TOP1MT: variants seen among roughly 807,000 people sequenced by gnomAD.
TOP1MT encodes DNA topoisomerase I, mitochondrial.
A neutral mutation model predicts 73.9 loss-of-function variants in TOP1MT; 80 were observed. That is an observed-to-expected ratio of 1.08 (90% CI 0.90 to 1.30). The LOEUF is 1.30. TOP1MT is among the 50% of genes most tolerant of loss of function. The pLI is 0.00. For synonymous variants in TOP1MT, 338 were observed against 326.4 expected, an observed-to-expected ratio of 1.04 and a Z score of -0.38; for missense variants, 815 against 808.0, an observed-to-expected ratio of 1.01 and a Z score of -0.10.
At chr8:143,321,907 CACAG>C (rs1324769268) in intron 7 of TOP1MT, among the ~76,000 whole-genome samples, 2 of 104,486 alleles carry the variant, frequency 1.9e-5, no homozygotes, top group African/African-American at 3.4e-5. Context: ...ACGCCACACA[CACAG>C]GCACGCCACA....
At chr8:143,321,028 G>C (rs1356884959) in intron 8 of TOP1MT, among the ~76,000 whole-genome samples, 173 bp downstream of exon 8, 1 of 152,126 alleles carries the variant, frequency 6.6e-6, no homozygotes, top group East Asian at 1.9e-4. Flanking sequence ...GTCTACCATG[G>C]TGCACAGCCT....
At position 143,317,703 on chromosome 8, in the gene TOP1MT, TG is replaced by T; in HGVS notation, c.1330+19del. On this transcript the variant is annotated intron_variant, in intron 10 of 13. Transcript: ENST00000329245. ...GGCCGTGCTCCCCCCGCGCTGAGTG[TG>T]GGTGTGGGGCAGGCTCACCGCGCGT... is the stretch of plus-strand genomic sequence containing the variant. 1 of 1,606,278 alleles carries T rather than the reference TG, an allele frequency of 6.2e-7. No individual in the cohort carries two copies. Among genetic ancestry groups the T allele is most frequent in the Non-Finnish European group, 8.5e-7 (1 of 1,174,216 alleles).
At chr8:143,347,869 C>T (rs1392945682), upstream of TOP1MT, among the ~76,000 whole-genome samples, 1 of 152,198 alleles carries the variant, frequency 6.6e-6, no homozygotes, top group African/African-American at 2.4e-5. Flanking sequence ...GCTCAGGCAC[C>T]GAGGTGAGGA....
At chr8:143,335,755 G>T (rs1395557456), upstream of TOP1MT, among the ~76,000 whole-genome samples, 1 of 152,274 alleles carries the variant, frequency 6.6e-6, no homozygotes, top group African/African-American at 2.4e-5. Context: ...GACCGTTGGG[G>T]GGAATGCAGT....
chr8:143,329,679 G>T (rs750132309), intron 2 of TOP1MT, among the ~76,000 whole-genome samples: 3 of 151,782 alleles, frequency 2.0e-5, no homozygotes, highest in Non-Finnish European at 4.4e-5. Context: ...ATCTGGGAGC[G>T]GGTCGTGAGA....
intron 10 of TOP1MT, 102 bp from the exon 11 acceptor site, chr8:143,316,228 C>T: frequency 6.4e-7 from 1 of 1,551,258 alleles, no homozygotes; most frequent in South Asian, 1.1e-5. Flanking sequence ...GCCCCTTCCA[C>T]TCACACAGGC....
intron 1 of TOP1MT, among the ~76,000 whole-genome samples, chr8:143,352,788 C>A (rs1817342778): frequency 6.6e-6 from 1 of 152,186 alleles, no homozygotes. Flanking sequence ...CAATGTCCAG[C>A]TGATTTTTAA....
chr8:143,342,108 TATTATTA>T (rs1275534805), intron 2 of TOP1MT, among the ~76,000 whole-genome samples: 1 of 139,052 alleles, frequency 7.2e-6, no homozygotes, highest in Non-Finnish European at 1.5e-5. Context: ...GCTCTGTTAT[TATTATTA>T]GAGACACAGT....
chr8:143,312,159 T>G (rs1816030796), intron 12 of TOP1MT, among the ~76,000 whole-genome samples: 1 of 152,202 alleles, frequency 6.6e-6, no homozygotes, highest in Non-Finnish European at 1.5e-5. Flanking sequence ...CAAGACTCTC[T>G]CTTTAAAAAG....
At chr8:143,322,755 G>A (rs1273316183) in intron 7 of TOP1MT, among the ~76,000 whole-genome samples, 2 of 13,696 alleles carry the variant, frequency 1.5e-4, no homozygotes, top group Non-Finnish European at 2.2e-4. Flanking sequence ...ACGCACGCAC[G>A]CCACACACGC....
chr8:143,321,857 C>CAG (rs1417575985), intron 7 of TOP1MT, among the ~76,000 whole-genome samples: 1 of 88,674 alleles, frequency 1.1e-5, no homozygotes, highest in African/African-American at 3.9e-5. Flanking sequence ...ACGCCACACA[C>CAG]GCATGCCACA....
intron 8 of TOP1MT, among the ~76,000 whole-genome samples, chr8:143,320,877 T>C (rs1262054117): frequency 6.6e-6 from 1 of 151,938 alleles, no homozygotes; most frequent in Admixed American, 6.5e-5. Context: ...TGAGCGACAA[T>C]AAACGTCTGT....
At position 143,328,344 on chromosome 8, in the gene TOP1MT, C is replaced by T. The variant is rs573201639; in HGVS notation, c.360+1006G>A. 1.8e-5 allele frequency: 8 copies of T among 439,736 alleles called. No individual in the cohort carries two copies. In the East Asian group the frequency reaches 2.1e-4, roughly 12 times the overall value. 27.2% of individuals were successfully genotyped at this position (439,736 alleles called of 1,614,324 possible). On this transcript the variant is annotated intron_variant, in intron 3 of 13. Coordinates refer to ENST00000329245, the MANE Select transcript of TOP1MT (RefSeq NM_052963.3). ...CACCCAGGATGCGTTTTTAAAACTC[C>T]GATAAATGAGCGAGGAATACGCAAG...
At chr8:143,347,695 GC>G (rs1563773693), upstream of TOP1MT, among the ~76,000 whole-genome samples, 42 of 34,724 alleles carry the variant, frequency 1.2e-3, no homozygotes, top group Middle Eastern at 0.02. Context: ...CAGGCAGCCA[GC>G]CAGCCAGCCA....
At position 143,320,296 on chromosome 8, in the gene TOP1MT, T is replaced by C. The variant is rs74367519; in HGVS notation, c.1146+905A>G. Among the ~76,000 whole-genome samples the C allele has an allele frequency of 2.0e-5, 3 of 151,760 alleles. No homozygotes were observed. The South Asian group carries it at 6.3e-4, about 32-fold the overall frequency. On this transcript the variant is annotated intron_variant, in intron 8 of 13. Coordinates refer to ENST00000329245, the MANE Select transcript of TOP1MT (RefSeq NM_052963.3). The stretch of plus-strand genomic sequence containing the variant: ...GGCGCTCGCCACGATGCCCGGCTAA[T>C]TTTTTTTGTATTTTTAGTAGAGACG...
At chr8:143,309,568 GC>G in intron 13 of TOP1MT, 25 bp from the exon 14 acceptor site, 1 of 1,612,058 alleles carries the variant, frequency 6.2e-7, no homozygotes, top group Non-Finnish European at 8.5e-7. Flanking sequence ...ATCAGCCCAG[GC>G]AAGCAGGCAA....
In TOP1MT at chr8:143,329,481, T is replaced by A; in HGVS notation, c.239-10A>T. On this transcript the variant is annotated splice_polypyrimidine_tract_variant and intron_variant, in intron 2 of 13. Coordinates refer to ENST00000329245, the MANE Select transcript of TOP1MT (RefSeq NM_052963.3). Reference sequence around the variant, plus strand: ...AATCTCACAGGCCTTCCTGCAGGCATCGGAAGACACATCGTATGAGAGAGC... The same window carrying A: ...AATCTCACAGGCCTTCCTGCAGGCAACGGAAGACACATCGTATGAGAGAGC... 1 of 1,606,344 alleles carries A rather than the reference T, an allele frequency of 6.2e-7. No individual in the cohort carries two copies. Among genetic ancestry groups the A allele is most frequent in the Non-Finnish European group, 8.5e-7 (1 of 1,177,994 alleles).
upstream of TOP1MT, among the ~76,000 whole-genome samples, chr8:143,347,604 G>C (rs909831001): frequency 6.6e-6 from 1 of 152,176 alleles, no homozygotes; most frequent in Non-Finnish European, 1.5e-5. Context: ...CTTAAAAGTA[G>C]TTACTATTTA....
rs540246289 is a variant in TOP1MT, at chr8:143,314,486, C to T, written c.1553+1241G>A. Among the ~76,000 whole-genome samples, 524 of 150,148 alleles carry T rather than the reference C, an allele frequency of 3.5e-3. 1 individual carries two copies. The highest frequency in any genetic ancestry group is 0.01 in the African/African-American group (424 of 40,994). ...GCGCGCACCTGTAACCCCAGCTACT[C>T]GGGAGGCTGAGGCAGGAGAATCACT... On this transcript the variant is annotated intron_variant, in intron 12 of 13. Coordinates refer to ENST00000329245, the MANE Select transcript of TOP1MT (RefSeq NM_052963.3).
Sources: gnomAD v4.1 joint callset for allele counts (sites outside exome capture counted in the v4.1 genomes callset) on GRCh38, gnomAD v4.1.1 for gene constraint, MANE v1.5 for transcripts, NCBI Gene and HGNC (gene_info 2026-07-23, HGNC 2026-07-21) for gene names.